Variants in ITGAD observed in about 807,000 individuals in gnomAD.
ITGAD encodes integrin subunit alpha D.
In ITGAD, 105 loss-of-function variants were observed where a neutral mutation model predicts 139.0. The observed-to-expected ratio is 0.76, with a 90% CI of 0.65 to 0.89. The LOEUF is 0.89. Ranked by LOEUF, ITGAD falls within the 40% of genes least tolerant of loss-of-function variation. The pLI is 0.00. For synonymous variants in ITGAD, 569 were observed against 598.3 expected, an observed-to-expected ratio of 0.95 and a Z score of 0.71; for missense variants, 1,384 against 1,487.3, an observed-to-expected ratio of 0.93 and a Z score of 1.14.
At chr16:31,408,401 C>A in intron 9 of ITGAD, 24 bp from the exon 10 acceptor site, 1 of 1,609,140 alleles carries the variant, frequency 6.2e-7, no homozygotes, top group Non-Finnish European at 8.5e-7. Flanking sequence ...CTTCTAGGAA[C>A]TTCACTGACC....
intron 16 of ITGAD, among the ~76,000 whole-genome samples, chr16:31,413,991 G>A (rs1241017693): frequency 6.6e-6 from 1 of 152,148 alleles, no homozygotes; most frequent in East Asian, 1.9e-4. Context: ...TTCTTAGATT[G>A]TGAGGTTCAT....
At position 31,418,682 on chromosome 16, in the gene ITGAD, C is replaced by G. The variant is rs139925117; in HGVS notation, c.2780+118C>G. 7.2e-4 allele frequency: 579 copies of G among 801,722 alleles called. 1 individual carries two copies. The highest frequency in any genetic ancestry group is 9.2e-4 in the Non-Finnish European group (423 of 461,586). The allele number at this position is 801,722 out of a possible 1,614,324, so 49.7% of individuals were successfully genotyped here. ...ATCTAAGCTCTCCTGTTTTGGGATG[C>G]CTTTGTGGGTGAATGGCCATATATA... On this transcript the variant is annotated intron_variant, in intron 23 of 29. Transcript: ENST00000389202.
rs2082039380 is a variant in ITGAD at position 31,423,137 on chromosome 16, T to G, written c.2804T>G (p.Phe935Cys). ...AGGCAGGAAGAATCCACCAAGTACT[T>G]CAACTTTGCAACCTCCGATGAGAAG... is the stretch of plus-strand genomic sequence containing the variant. ...ISRQEESTKY[F>C]NFATSDEKKM... Residue 935 changes from phenylalanine to cysteine, a missense_variant, in exon 24 of 30, where the codon TTC becomes TGC. Transcript: ENST00000389202. 1 of 1,614,148 alleles carries G rather than the reference T, an allele frequency of 6.2e-7. No homozygotes were observed. Among genetic ancestry groups the G allele is most frequent in the Non-Finnish European group, 8.5e-7 (1 of 1,180,000 alleles).
At chr16:31,420,212 AG>A (rs1292667861) in intron 23 of ITGAD, among the ~76,000 whole-genome samples, 1 of 152,136 alleles carries the variant, frequency 6.6e-6, no homozygotes, top group Non-Finnish European at 1.5e-5. Flanking sequence ...CAGAGGTGTG[AG>A]AAACTGTTGG....
rs564908942 is a variant in ITGAD, at chr16:31,412,900, T to C, written c.1770T>C (p.Gly590=). The C allele has an allele frequency of 6.2e-7, 1 of 1,613,714 alleles. No individual in the cohort carries two copies. The highest frequency in any genetic ancestry group is 1.3e-5 in the African/African-American group (1 of 74,936). Residue 590 remains glycine, a synonymous_variant, in exon 15 of 30, where the codon GGT becomes GGC. Transcript: ENST00000389202. ...LQYFGQALSG[G]QDLTQDGLMD... ...ATTTTGGGCAGGCGCTGAGTGGGGG[T>C]CAGGACCTCACCCAGGATGGACTGA...
intron 20 of ITGAD, 24 bp from the exon 21 acceptor site, chr16:31,418,051 T>C: frequency 6.2e-7 from 1 of 1,602,548 alleles, no homozygotes; most frequent in East Asian, 2.2e-5. Flanking sequence ...GGGTAACTTC[T>C]TAAAATTCAT....
At chr16:31,421,019 C>T (rs562271580) in intron 23 of ITGAD, among the ~76,000 whole-genome samples, 1 of 152,264 alleles carries the variant, frequency 6.6e-6, no homozygotes, top group African/African-American at 2.4e-5. Flanking sequence ...TTATATATAC[C>T]CATGTCAGGC....
At chr16:31,417,479 T>G (rs1359560492) in intron 20 of ITGAD, among the ~76,000 whole-genome samples, 1 of 152,106 alleles carries the variant, frequency 6.6e-6, no homozygotes, top group Admixed American at 6.6e-5. Flanking sequence ...TTTTCACATT[T>G]AAGTATTTAA....
In ITGAD at chr16:31,412,986, T is replaced by A; in HGVS notation, c.1838+18T>A. ...CTGCTCAGGTAGCGACTCCCCAACATCCTGCCCTCCCGCGCTGTGTCTGAT... is the reference window on the plus strand; with the variant it reads ...CTGCTCAGGTAGCGACTCCCCAACAACCTGCCCTCCCGCGCTGTGTCTGAT... On this transcript the variant is annotated intron_variant, in intron 15 of 29. Coordinates refer to ENST00000389202, the MANE Select transcript of ITGAD (RefSeq NM_005353.3). 1 of 1,602,130 alleles carries A rather than the reference T, an allele frequency of 6.2e-7. No individual in the cohort carries two copies. The highest frequency in any genetic ancestry group is 8.5e-7 in the Non-Finnish European group (1 of 1,173,772).
rs2082046931 is a variant in ITGAD, at chr16:31,423,466, G to A, written c.2967+7G>A. 4 of 1,611,618 alleles carry A rather than the reference G, an allele frequency of 2.5e-6. No individual in the cohort carries two copies. The highest frequency in any genetic ancestry group is 2.2e-5 in the East Asian group (1 of 44,886). Reference sequence around the variant, plus strand: ...CATGGAGGCCCCATCTCAGGTACCCGCCTATCTCTCCTCTTTCTTCAGACT... The same window carrying A: ...CATGGAGGCCCCATCTCAGGTACCCACCTATCTCTCCTCTTTCTTCAGACT... On this transcript the variant is annotated splice_region_variant and intron_variant, in intron 25 of 29. Coordinates refer to ENST00000389202, the MANE Select transcript of ITGAD (RefSeq NM_005353.3).
rs2081294754 is a variant in ITGAD, at chr16:31,397,479, GA to G, written c.241+19del. Reference sequence around the variant, plus strand: ...CGCTGCACAGTGAGTGACCACCTGGGAATTGGGCCCCTCAACCCTCCTGGAC... The same window carrying G: ...CGCTGCACAGTGAGTGACCACCTGGGATTGGGCCCCTCAACCCTCCTGGAC... On this transcript the variant is annotated intron_variant, in intron 3 of 29. Transcript: ENST00000389202. 1 of 1,583,956 alleles carries G rather than the reference GA, an allele frequency of 6.3e-7. No individual in the cohort carries two copies. The highest frequency in any genetic ancestry group is 8.6e-7 in the Non-Finnish European group (1 of 1,163,440).
chr16:31,426,195 C>T lies in ITGAD; in HGVS notation c.*67C>T, dbSNP rs1331641026. ...TTGCTTGCAACCATAAATCAACTTA[C>T]ATGGAAACAACTTCTGCATAGATCT... On this transcript the variant is annotated 3_prime_UTR_variant, in exon 30 of 30. Transcript: ENST00000389202. 5.5e-6 allele frequency: 6 copies of T among 1,085,230 alleles called. No homozygotes were observed. Among genetic ancestry groups the T allele is most frequent in the Non-Finnish European group, 7.0e-6 (5 of 716,660 alleles). 67.2% of individuals were successfully genotyped at this position (1,085,230 alleles called of 1,614,324 possible). A position where few individuals can be genotyped will look rare whatever the true frequency, so the allele number is the denominator to read the frequency against.
intron 7 of ITGAD, among the ~76,000 whole-genome samples, chr16:31,406,212 T>A (rs2081537277): frequency 6.6e-6 from 1 of 152,030 alleles, no homozygotes; most frequent in East Asian, 1.9e-4. Context: ...GTAGCTGGGA[T>A]TACAGGCACG....
At chr16:31,425,773 C>G (rs1870850710) in intron 29 of ITGAD, among the ~76,000 whole-genome samples, 1 of 151,778 alleles carries the variant, frequency 6.6e-6, no homozygotes, top group Non-Finnish European at 1.5e-5. Context: ...ACCTCTGCCT[C>G]CCGGGTTCAA....
At chr16:31,405,565 C>T (rs2081516366) in intron 7 of ITGAD, among the ~76,000 whole-genome samples, 1 of 151,874 alleles carries the variant, frequency 6.6e-6, no homozygotes, top group East Asian at 1.9e-4. Context: ...TGTATGGTCA[C>T]ATTCAGGGCA....
chr16:31,425,656 TTCTTTTCTTTC>T (rs1350401546), intron 29 of ITGAD, among the ~76,000 whole-genome samples: 4 of 151,882 alleles, frequency 2.6e-5, no homozygotes, highest in Non-Finnish European at 5.9e-5. Flanking sequence ...CAGCTTTTCT[TTCTTTTCTTTC>T]TCTTTTCTTT....
rs772117735 is a variant in ITGAD, at chr16:31,413,150, G to A, written c.1900G>A (p.Ala634Thr). ...ATTCAGCCCTGTGGAGGTGGCCAAG[G>A]CTGTGTACCGGTGCTGGGAAGAGAA... ...MRFSPVEVAKAVYRCWEEKPS... is the reference protein window; with the variant it reads ...MRFSPVEVAKTVYRCWEEKPS... Residue 634 changes from alanine (A) to threonine (T), a missense_variant, in exon 16 of 30, where the codon GCT (alanine) becomes ACT (threonine). By Grantham distance (58) the Ala-to-Thr change is moderately conservative (BLOSUM62 0). Coordinates refer to ENST00000389202, the MANE Select transcript of ITGAD (RefSeq NM_005353.3). The A allele has an allele frequency of 1.9e-6, 3 of 1,614,186 alleles. No individual in the cohort carries two copies. The South Asian group carries it at 3.3e-5, about 18-fold the overall frequency.
Position 31,400,904 on chromosome 16 carries a change from C to A in ITGAD, c.428-1211C>A, listed in dbSNP as rs142701001. 3.2e-3 allele frequency among the ~76,000 whole-genome samples: 480 copies of A among 152,316 alleles called. 4 individuals are homozygous for A. The highest frequency in any genetic ancestry group is 0.011 in the African/African-American group (461 of 41,560). On this transcript the variant is annotated intron_variant, in intron 5 of 29. Coordinates refer to ENST00000389202, the MANE Select transcript of ITGAD (RefSeq NM_005353.3). ...TACAGGCGTGAGCCACCACTCCCAACTGGGAATATTCTTGGGCACCGCACC... is the reference window on the plus strand; with the variant it reads ...TACAGGCGTGAGCCACCACTCCCAAATGGGAATATTCTTGGGCACCGCACC...
At chr16:31,394,202 C>G (rs1309890908) in intron 1 of ITGAD, 34 bp from the exon 2 acceptor site, 1 of 1,359,132 alleles carries the variant, frequency 7.4e-7, no homozygotes, top group Admixed American at 1.7e-5. Context: ...GCTTCTTTAA[C>G]TCCCAGCCTC....
Sources: allele counts gnomAD v4.1 joint callset (sites outside exome capture counted in the v4.1 genomes callset), GRCh38; gene constraint gnomAD v4.1.1; transcripts MANE v1.5; gene names NCBI Gene and HGNC (gene_info 2026-07-23, HGNC 2026-07-21).